The following TAMALIN variants were observed in gnomAD, a reference collection of about 807,000 sequenced individuals.
The protein encoded by TAMALIN is trafficking regulator and scaffold protein tamalin.
TAMALIN carries 9 observed loss-of-function variants against 38.5 expected under a neutral mutation model. That is an observed-to-expected ratio of 0.23 (90% CI 0.14 to 0.41). The LOEUF is 0.41. Among genes scored for constraint, TAMALIN ranks in the 10% least tolerant of loss-of-function variants. The pLI is 1.00. For synonymous variants in TAMALIN, 306 were observed against 256.5 expected (o/e 1.19, Z -1.85); for missense variants, 548 against 554.1 (o/e 0.99, Z 0.11).
chr12:52,008,543 G>A (rs1276530687), intron 1 of TAMALIN: 1 of 985,232 alleles, frequency 1.0e-6, no homozygotes, highest in Non-Finnish European at 1.2e-6. Flanking sequence ...CCCAGGTATA[G>A]CTGGGCACAG....
intron 1 of TAMALIN, chr12:52,008,210 C>G: frequency 1.0e-6 from 1 of 985,436 alleles, no homozygotes; most frequent in East Asian, 1.1e-4. Context: ...ACCTTCTCTT[C>G]CTTGCCTTGG....
Position 52,011,408 on chromosome 12 carries a change from C to T in TAMALIN, c.454+267C>T. ...GCAAGGGGATTCCCTGGGCACACTG[C>T]CAGGGCCTAATTAATGGTGGATGAT... On this transcript the variant is annotated intron_variant, in intron 4 of 7. Transcript: ENST00000293662. This position sits in a 1 kb window ranked among gnomAD's most constrained non-coding sequence, Gnocchi z 5.3. 3 of 603,480 alleles carry T rather than the reference C, an allele frequency of 5.0e-6. No individual in the cohort carries two copies. The highest frequency in any genetic ancestry group is 5.9e-6 in the Non-Finnish European group (2 of 339,130). The allele number at this position is 603,480 out of a possible 1,614,324, so 37.4% of individuals were successfully genotyped here.
chr12:52,010,113 C>A (rs545278426), intron 2 of TAMALIN, among the ~76,000 whole-genome samples: 1 of 152,250 alleles, frequency 6.6e-6, no homozygotes, highest in East Asian at 1.9e-4. Flanking sequence ...GAGAGGGGCT[C>A]GAGCTGGAGT....
Position 52,007,557 on chromosome 12 carries a change from CTGCCCCCCA to C in TAMALIN, c.246+299_246+307del. The C allele has an allele frequency of 3.0e-6, 3 of 983,972 alleles. No individual in the cohort carries two copies. In the South Asian group the frequency reaches 1.4e-4, roughly 46 times the overall value. The allele number at this position is 983,972 out of a possible 1,614,324, so 61.0% of individuals were successfully genotyped here. On this transcript the variant is annotated intron_variant, in intron 1 of 7. Transcript: ENST00000293662. This position sits in a 1 kb window ranked among gnomAD's most constrained non-coding sequence, Gnocchi z 6.7. ...TCTCCTACCCGCTCCATCTGGCTTT[CTGCCCCCCA>C]TGCCCCGCCTCCCCGTGGCCAGGTG...
chr12:52,015,285 AGGAGCCCAGAGCAGCGGGAGAGGGT>A lies in TAMALIN; in HGVS notation c.*87_*111del. 7.0e-7 allele frequency: 1 copy of A among 1,421,104 alleles called. No homozygotes were observed. Among genetic ancestry groups the A allele is most frequent in the Non-Finnish European group, 9.2e-7 (1 of 1,082,264 alleles). 88.0% of individuals were successfully genotyped at this position (1,421,104 alleles called of 1,614,324 possible). A position where few individuals can be genotyped will look rare whatever the true frequency, so the allele number is the denominator to read the frequency against. On this transcript the variant is annotated 3_prime_UTR_variant, in exon 8 of 8. Coordinates refer to ENST00000293662, the MANE Select transcript of TAMALIN (RefSeq NM_181711.4). ...GGGGAGGCCGAGCCAAGAGGACCCC[AGGAGCCCAGAGCAGCGGGAGAGGGT>A]CCTTCCTAGCCTCGGCCCGCCGGGT... is the stretch of plus-strand genomic sequence containing the variant.
At position 52,015,013 on chromosome 12, in the gene TAMALIN, G is replaced by A. The variant is rs1234782536; in HGVS notation, c.1002G>A (p.Val334=). 1.2e-4 allele frequency: 132 copies of A among 1,133,312 alleles called. No homozygotes were observed. The highest frequency in any genetic ancestry group is 1.4e-4 in the Non-Finnish European group (127 of 919,668). 70.2% of individuals were successfully genotyped at this position (1,133,312 alleles called of 1,614,324 possible). The change falls in exon 8 of 8, where the codon GTG becomes GTA. Residue 334 remains valine (V), a synonymous_variant. Transcript: ENST00000293662. ...CCGCGCTGAGCCGCAGCGCCAGTGT[G>A]CGGTGCGCGGGCCCTGGCGGGGGCG... is the stretch of plus-strand genomic sequence containing the variant. ...PRAALSRSAS[V]RCAGPGGGGG...
chr12:52,014,273 AC>A (rs1211581370), intron 7 of TAMALIN, 72 bp downstream of exon 7: 1 of 1,291,698 alleles, frequency 7.7e-7, no homozygotes, highest in Admixed American at 2.0e-5. Flanking sequence ...CCCCCTCAGA[AC>A]TGGCGGGTTC....
At position 52,015,204 on chromosome 12, in the gene TAMALIN, G is replaced by A. The variant is rs1937779778; in HGVS notation, c.*5G>A. On this transcript the variant is annotated 3_prime_UTR_variant, in exon 8 of 8. Coordinates refer to ENST00000293662, the MANE Select transcript of TAMALIN (RefSeq NM_181711.4). Reference sequence around the variant, plus strand: ...GAGGAGGAGAGCCAGCTGTAGGGGCGGGGGCGGGCAGGGAGGTATTTATTT... The same window carrying A: ...GAGGAGGAGAGCCAGCTGTAGGGGCAGGGGCGGGCAGGGAGGTATTTATTT... 1 of 1,584,344 alleles carries A rather than the reference G, an allele frequency of 6.3e-7. No individual in the cohort carries two copies. Among genetic ancestry groups the A allele is most frequent in the Non-Finnish European group, 8.5e-7 (1 of 1,174,194 alleles).
chr12:52,009,444 T>G (rs933032817), intron 2 of TAMALIN, among the ~76,000 whole-genome samples: 1 of 152,124 alleles, frequency 6.6e-6, no homozygotes, highest in Non-Finnish European at 1.5e-5. Context: ...TTTGAGTCAT[T>G]AGGTGCTCTT....
chr12:52,011,459 G>A lies in TAMALIN; in HGVS notation c.454+318G>A, dbSNP rs34581980. ...GCTGCTGCTGCTCTGATTCCTCCCA[G>A]CAACCCTGGCAGTCAGCATGGGCAG... On this transcript the variant is annotated intron_variant, in intron 4 of 7. Transcript: ENST00000293662. The surrounding 1 kb of genome is among the most constrained non-coding windows in gnomAD (Gnocchi z 5.3). The A allele has an allele frequency of 0.04, 22,703 of 573,634 alleles. 656 individuals carry two copies. The highest frequency in any genetic ancestry group is 0.099 in the South Asian group (4,736 of 47,800). The allele number at this position is 573,634 out of a possible 1,614,324, so 35.5% of individuals were successfully genotyped here. A position where few individuals can be genotyped will look rare whatever the true frequency, so the allele number is the denominator to read the frequency against.
chr12:52,009,144 G>A, intron 1 of TAMALIN, 46 bp from the exon 2 acceptor site: 2 of 1,599,074 alleles, frequency 1.3e-6, no homozygotes, highest in Non-Finnish European at 1.7e-6. Context: ...GTCTGCTCAA[G>A]GACAGTCCCG....
In TAMALIN at chr12:52,010,467, G is replaced by A. The variant is rs529277860; in HGVS notation, c.297-414G>A. ...AGCAGCTGTGGTCTTGCTGAGCCTC[G>A]TGACTGGCCTCTGGGGGTGGGGCCA... On this transcript the variant is annotated intron_variant, in intron 2 of 7. Transcript: ENST00000293662. 266 of 1,019,474 alleles carry A rather than the reference G, an allele frequency of 2.6e-4. 1 individual carries two copies. The highest frequency in any genetic ancestry group is 3.1e-4 in the Non-Finnish European group (262 of 849,034). 63.2% of individuals were successfully genotyped at this position (1,019,474 alleles called of 1,614,324 possible).
chr12:52,015,301 G>A lies in TAMALIN; in HGVS notation c.*102G>A, dbSNP rs1486176304. 12 of 1,345,206 alleles carry A rather than the reference G, an allele frequency of 8.9e-6. No individual in the cohort carries two copies. The highest frequency in any genetic ancestry group is 1.1e-5 in the Non-Finnish European group (11 of 1,027,796). The allele number at this position is 1,345,206 out of a possible 1,614,324, so 83.3% of individuals were successfully genotyped here. On this transcript the variant is annotated 3_prime_UTR_variant, in exon 8 of 8. Transcript: ENST00000293662. ...GAGGACCCCAGGAGCCCAGAGCAGCGGGAGAGGGTCCTTCCTAGCCTCGGC... is the reference window on the plus strand; with the variant it reads ...GAGGACCCCAGGAGCCCAGAGCAGCAGGAGAGGGTCCTTCCTAGCCTCGGC...
In TAMALIN at chr12:52,007,208, C is replaced by A; in HGVS notation, c.189C>A (p.His63Gln). 6.6e-7 allele frequency: 1 copy of A among 1,516,530 alleles called. No homozygotes were observed. Among genetic ancestry groups the A allele is most frequent in the South Asian group, 1.3e-5 (1 of 79,692 alleles). 93.9% of individuals were successfully genotyped at this position (1,516,530 alleles called of 1,614,324 possible). A position where few individuals can be genotyped will look rare whatever the true frequency, so the allele number is the denominator to read the frequency against. The change falls in exon 1 of 8, where the codon CAC becomes CAA. Residue 63 changes from histidine (H) to glutamine (Q), a missense_variant. Physicochemically the swap from His to Gln is conservative, Grantham distance 24. Coordinates refer to ENST00000293662, the MANE Select transcript of TAMALIN (RefSeq NM_181711.4). This position sits in a 1 kb window ranked among gnomAD's most constrained non-coding sequence, Gnocchi z 6.7. Reference protein sequence around the residue: ...DELYAALEDYHPAELYRALAV... With the variant: ...DELYAALEDYQPAELYRALAV... ...TGTACGCGGCGCTGGAGGACTATCACCCTGCCGAGCTGTACCGCGCGCTCG... is the reference window on the plus strand; with the variant it reads ...TGTACGCGGCGCTGGAGGACTATCAACCTGCCGAGCTGTACCGCGCGCTCG...
chr12:52,014,548 T>A, intron 7 of TAMALIN, 146 bp from the exon 8 acceptor site: 1 of 641,836 alleles, frequency 1.6e-6, no homozygotes, highest in Non-Finnish European at 2.6e-6. Flanking sequence ...GTGAGGGAAG[T>A]AGGGTCTCAG....
Position 52,011,296 on chromosome 12 carries a change from T to G in TAMALIN, c.454+155T>G. On this transcript the variant is annotated intron_variant, in intron 4 of 7. Coordinates refer to ENST00000293662, the MANE Select transcript of TAMALIN (RefSeq NM_181711.4). This position sits in a 1 kb window ranked among gnomAD's most constrained non-coding sequence, Gnocchi z 5.3. ...GAATGGATAGAATCTGGGCTTTGGA[T>G]CTAGGCAAATTTGCCATGTACTGTG... 1.4e-6 allele frequency: 2 copies of G among 1,383,974 alleles called. No homozygotes were observed. The highest frequency in any genetic ancestry group is 9.9e-7 in the Non-Finnish European group (1 of 1,010,350). The allele number at this position is 1,383,974 out of a possible 1,614,324, so 85.7% of individuals were successfully genotyped here. A position where few individuals can be genotyped will look rare whatever the true frequency, so the allele number is the denominator to read the frequency against.
rs1370136327 is a variant in TAMALIN, at chr12:52,007,551, G to A, written c.246+286G>A. 71 of 983,842 alleles carry A rather than the reference G, an allele frequency of 7.2e-5. No homozygotes were observed. Among genetic ancestry groups the A allele is most frequent in the East Asian group, 5.7e-4 (5 of 8,738 alleles). The allele number at this position is 983,842 out of a possible 1,614,324, so 60.9% of individuals were successfully genotyped here. On this transcript the variant is annotated intron_variant, in intron 1 of 7. Coordinates refer to ENST00000293662, the MANE Select transcript of TAMALIN (RefSeq NM_181711.4). The surrounding 1 kb of genome is among the most constrained non-coding windows in gnomAD (Gnocchi z 6.7). ...CCCCCTTCTCCTACCCGCTCCATCTGGCTTTCTGCCCCCCATGCCCCGCCT... is the reference window on the plus strand; with the variant it reads ...CCCCCTTCTCCTACCCGCTCCATCTAGCTTTCTGCCCCCCATGCCCCGCCT...
intron 4 of TAMALIN, among the ~76,000 whole-genome samples, chr12:52,012,854 C>T (rs546033481): frequency 6.6e-4 from 101 of 152,292 alleles, no homozygotes; most frequent in Non-Finnish European, 1.2e-3. Context: ...GGGGGCCAGT[C>T]ATTCCCTGTG....
In TAMALIN at chr12:52,014,644, C is replaced by T. The variant is rs150534679; in HGVS notation, c.683-50C>T. On this transcript the variant is annotated intron_variant, in intron 7 of 7. Coordinates refer to ENST00000293662, the MANE Select transcript of TAMALIN (RefSeq NM_181711.4). Reference sequence around the variant, plus strand: ...ATGCCCTCCGACCCTTTGCAGAGGCCACCACGGTCCAGGCCTGACCCGCCC... The same window carrying T: ...ATGCCCTCCGACCCTTTGCAGAGGCTACCACGGTCCAGGCCTGACCCGCCC... 9.3e-3 allele frequency: 12,813 copies of T among 1,373,322 alleles called. 78 individuals carry two copies. The highest frequency in any genetic ancestry group is 0.01 in the Non-Finnish European group (10,970 of 1,046,496). The allele number at this position is 1,373,322 out of a possible 1,614,324, so 85.1% of individuals were successfully genotyped here. A position where few individuals can be genotyped will look rare whatever the true frequency, so the allele number is the denominator to read the frequency against.
Sources: allele counts gnomAD v4.1 joint callset (sites outside exome capture counted in the v4.1 genomes callset), GRCh38; gene constraint gnomAD v4.1.1; non-coding constraint Gnocchi (gnomAD v3.1); transcripts MANE v1.5; gene names NCBI Gene and HGNC (gene_info 2026-07-23, HGNC 2026-07-21).